IRAG2: variants seen among roughly 807,000 people sequenced by gnomAD.
The protein encoded by IRAG2 is inositol 1,4,5-triphosphate receptor associated 2, also known as lymphoid restricted membrane protein.
In IRAG2, 45 loss-of-function variants were observed where a neutral mutation model predicts 69.9. The ratio of observed to expected loss-of-function variants is 0.64; its 90% CI spans 0.51 to 0.83. The LOEUF is 0.83. Among genes scored for constraint, IRAG2 ranks in the 40% least tolerant of loss-of-function variants. The probability of loss-of-function intolerance (pLI) is 0.00; values close to 1 mark genes in which losing one functional copy is unlikely to be tolerated. For missense variants in IRAG2, 520 were observed against 587.0 expected, an observed-to-expected ratio of 0.89 and a Z score of 1.18; for synonymous variants, 193 against 202.4, an observed-to-expected ratio of 0.95 and a Z score of 0.40.
chr12:25,087,180 T>TTTTTTTTTTTTTTTTTGTTG (rs1450270058), intron 10 of IRAG2, among the ~76,000 whole-genome samples: 9 of 125,170 alleles, frequency 7.2e-5, no homozygotes, highest in African/African-American at 2.8e-4. Context: ...TTTTTTTTTT[T>TTTTTTTTTTTTTTTTTGTTG]TTGTTGAGAC....
chr12:25,055,109 G>A (rs992406627), intron 1 of IRAG2, among the ~76,000 whole-genome samples: 1 of 152,192 alleles, frequency 6.6e-6, no homozygotes, highest in African/African-American at 2.4e-5. Context: ...ATCCATCTAA[G>A]TTGCATCAGC....
intron 16 of IRAG2, chr12:25,038,155 A>G: frequency 2.5e-6 from 1 of 398,722 alleles, no homozygotes; most frequent in Non-Finnish European, 4.4e-6. Context: ...TCATTTATAT[A>G]TAAGAAATCC....
chr12:25,065,393 C>G lies in IRAG2; in HGVS notation c.-206-972C>G, dbSNP rs1447011588. On this transcript the variant is annotated intron_variant, in intron 4 of 21. Coordinates refer to ENST00000556887, the MANE Select transcript of IRAG2 (RefSeq NM_001366544.2). ...AAAAATTTCTGATTGACCCTAAACC[C>G]TATGTTTTTTCTATTAAACTCTGCT... 2.6e-5 allele frequency among the ~76,000 whole-genome samples: 4 copies of G among 152,240 alleles called. No individual in the cohort carries two copies. In the East Asian group the frequency reaches 7.7e-4, roughly 29 times the overall value.
intron 1 of IRAG2, 95 bp downstream of exon 1, chr12:25,053,051 T>G: frequency 2.5e-6 from 1 of 397,070 alleles, no homozygotes; most frequent in East Asian, 3.6e-5. Flanking sequence ...GCTAGGATAT[T>G]ATTCCTGAGT....
chr12:25,075,128 A>G (rs1252625207), intron 6 of IRAG2, among the ~76,000 whole-genome samples: 2 of 152,218 alleles, frequency 1.3e-5, no homozygotes, highest in African/African-American at 4.8e-5. Context: ...CAAACCTATA[A>G]GCAAATTTAG....
intron 2 of IRAG2, among the ~76,000 whole-genome samples, chr12:25,007,534 T>A (rs1944441848): frequency 6.6e-6 from 1 of 152,198 alleles, no homozygotes; most frequent in African/African-American, 2.4e-5. Context: ...ATCCATTGAT[T>A]GATTGAGACA....
At chr12:25,083,332 T>C in intron 9 of IRAG2, 91 bp from the exon 10 acceptor site, 1 of 798,748 alleles carries the variant, frequency 1.3e-6, no homozygotes, top group South Asian at 1.4e-5. Context: ...TGTCAGTTAC[T>C]GGTCAGCCCA....
At chr12:25,086,354 A>G (rs1230355426) in intron 10 of IRAG2, among the ~76,000 whole-genome samples, 1 of 152,226 alleles carries the variant, frequency 6.6e-6, no homozygotes, top group Non-Finnish European at 1.5e-5. Flanking sequence ...ACAGTAGGGA[A>G]GGAGGAAGGA....
At chr12:25,083,669 G>A (rs1369889255) in intron 10 of IRAG2, among the ~76,000 whole-genome samples, 176 bp downstream of exon 10, 2 of 152,130 alleles carry the variant, frequency 1.3e-5, no homozygotes, top group African/African-American at 4.8e-5. Flanking sequence ...GTGTTTTTGT[G>A]ACTTGTCTAA....
In IRAG2 at chr12:25,028,362, A is replaced by G. The variant is rs1384798932; in HGVS notation, c.1461+1496A>G. 5.3e-5 allele frequency among the ~76,000 whole-genome samples: 8 copies of G among 152,164 alleles called. No homozygotes were observed. The East Asian group carries it at 1.3e-3, about 26-fold the overall frequency. On this transcript the variant is annotated intron_variant, in intron 9 of 38. Coordinates refer to the IRAG2 transcript ENST00000636465. The stretch of plus-strand genomic sequence containing the variant: ...CAGATTTGTTATCTTTTTATATTAT[A>G]TGGCAATTTTTAATTTAATTGTGTC...
chr12:25,011,216 G>A (rs529008866), intron 2 of IRAG2: 31 of 551,700 alleles, frequency 5.6e-5, no homozygotes, highest in African/African-American at 4.3e-4. Context: ...CCCAAGGCCA[G>A]TGTTCTTTAC....
chr12:25,030,321 C>G, exon 10 of IRAG2: 1 of 1,231,618 alleles, frequency 8.1e-7, no homozygotes, highest in East Asian at 3.2e-5. Flanking sequence ...AATAAAGATA[C>G]AAGTTTGCAG....
At chr12:25,025,909 A>G (rs1040379379) in intron 8 of IRAG2, among the ~76,000 whole-genome samples, 2 of 152,178 alleles carry the variant, frequency 1.3e-5, no homozygotes, top group Non-Finnish European at 2.9e-5. Flanking sequence ...AAATTTGAGG[A>G]AAGAGAAGGA....
intron 5 of IRAG2, chr12:25,016,989 A>C (rs112378612): frequency 6.4e-6 from 3 of 468,546 alleles, no homozygotes; most frequent in African/African-American, 4.0e-5. Context: ...TACATTAATT[A>C]TGTTTATGAT....
rs146924674 is a variant in IRAG2 at position 25,104,403 on chromosome 12, A to G, written c.1089A>G (p.Leu363=). The G allele has an allele frequency of 6.2e-7, 1 of 1,613,622 alleles. No homozygotes were observed. Among genetic ancestry groups the G allele is most frequent in the Non-Finnish European group, 8.5e-7 (1 of 1,179,586 alleles). The change falls in exon 20 of 22, where the codon TTA becomes TTG. Residue 363 remains leucine (L), a synonymous_variant. Coordinates refer to ENST00000556887, the MANE Select transcript of IRAG2 (RefSeq NM_001366544.2). ...GSKQSEHRPS[L]PRFISTYSWA... ...AGCAGAGTGAACACCGTCCCTCATT[A>G]CCTCGATTTATTAGCACCTATTCCT...
At chr12:25,048,645 G>T (rs1944817349), upstream of IRAG2, among the ~76,000 whole-genome samples, 1 of 152,190 alleles carries the variant, frequency 6.6e-6, no homozygotes, top group South Asian at 2.1e-4. Context: ...AAAGTTCCTT[G>T]CAGACTCTGG....
chr12:25,024,822 A>G (rs1944609139), intron 8 of IRAG2, among the ~76,000 whole-genome samples: 1 of 152,238 alleles, frequency 6.6e-6, no homozygotes, highest in Non-Finnish European at 1.5e-5. Flanking sequence ...CTAATGTAAG[A>G]TATTTTTCTC....
exon 16 of IRAG2, chr12:25,038,048 G>A: frequency 2.5e-6 from 1 of 398,872 alleles, no homozygotes. Context: ...ACCACAAAGA[G>A]TCTCTTGATA....
At chr12:25,102,009 T>A in intron 16 of IRAG2, 189 bp from the exon 17 acceptor site, 1 of 690,640 alleles carries the variant, frequency 1.4e-6, no homozygotes, top group Non-Finnish European at 2.7e-6. Flanking sequence ...GAGGACTGTA[T>A]TCCATTGGTT....
Sources: allele counts gnomAD v4.1 joint callset (sites outside exome capture counted in the v4.1 genomes callset), GRCh38; gene constraint gnomAD v4.1.1; transcripts MANE v1.5; gene names NCBI Gene and HGNC (gene_info 2026-07-23, HGNC 2026-07-21).